Variants in DPP6 observed in about 807,000 individuals in gnomAD.
DPP6 encodes A-type potassium channel modulatory protein DPP6.
In DPP6, 69 loss-of-function variants were observed where a neutral mutation model predicts 122.6. The observed-to-expected ratio is 0.56, with a 90% confidence interval of 0.46 to 0.69. The LOEUF is 0.69. DPP6 is among the 30% of genes least tolerant of loss of function. The pLI is 0.00. For missense variants in DPP6, 928 were observed against 1,116.9 expected, an observed-to-expected ratio of 0.83 and a Z score of 2.41; for synonymous variants, 418 against 433.1, an observed-to-expected ratio of 0.97 and a Z score of 0.43.
chr7:154,676,124 G>A, intron 7 of DPP6, among the ~76,000 whole-genome samples: 1 of 145,922 alleles, frequency 6.9e-6, no homozygotes, highest in African/African-American at 2.5e-5. Flanking sequence ...CTTGCAGCAT[G>A]CTGTCTGGAG....
intron 1 of DPP6, among the ~76,000 whole-genome samples, chr7:154,070,951 T>C (rs1205215082): frequency 6.6e-6 from 1 of 152,214 alleles, no homozygotes. Flanking sequence ...TCAGTGTTAT[T>C]GAGCAGGAAC....
At chr7:154,531,908 G>A (rs1827866930) in intron 3 of DPP6, among the ~76,000 whole-genome samples, 1 of 151,808 alleles carries the variant, frequency 6.6e-6, no homozygotes. Context: ...CTAATGCAAA[G>A]AAATGCAACT....
intron 1 of DPP6, among the ~76,000 whole-genome samples, chr7:154,017,297 G>A (rs185318108): frequency 3.3e-5 from 5 of 152,196 alleles, no homozygotes; most frequent in African/African-American, 1.2e-4. Context: ...TGAACTCCTG[G>A]GTTCTAAGTG....
At position 154,587,836 on chromosome 7, in the gene DPP6, C is replaced by T. The variant is rs370591334; in HGVS notation, c.627+20920C>T. On this transcript the variant is annotated intron_variant, in intron 5 of 25. Coordinates refer to ENST00000377770, the MANE Select transcript of DPP6 (RefSeq NM_130797.4). ...AGTCAATGGATACAGCACAGCATTG[C>T]CAGCTTGCCATGTACAAGGGGGACC... 60 of 1,612,836 alleles carry T rather than the reference C, an allele frequency of 3.7e-5. No homozygotes were observed. In the African/African-American group the frequency reaches 7.6e-4, roughly 20 times the overall value.
chr7:154,357,115 C>G (rs1811329724), intron 1 of DPP6, among the ~76,000 whole-genome samples: 1 of 151,908 alleles, frequency 6.6e-6, no homozygotes, highest in South Asian at 2.1e-4. Context: ...TTAAATGAAC[C>G]ATGAACAATG....
At position 154,876,076 on chromosome 7, in the gene DPP6, A is replaced by G. The variant is rs1804823300; in HGVS notation, c.2054A>G (p.Glu685Gly). 1.2e-6 allele frequency: 2 copies of G among 1,604,948 alleles called. No individual in the cohort carries two copies. Among genetic ancestry groups the G allele is most frequent in the Non-Finnish European group, 1.7e-6 (2 of 1,175,654 alleles). The change falls in exon 20 of 26, where the codon GAG becomes GGG. Residue 685 changes from glutamate (E) to glycine (G), a missense_variant. Glu to Gly is a moderately conservative substitution (Grantham distance 98). Transcript: ENST00000377770. ...EVRRRLGLLE[E>G]KDQMEAVRTM... ...AGGCGGCGGCTGGGCTTGCTGGAGG[A>G]GAAGGACCAGATGGAGGCCGTGCGG... is the stretch of plus-strand genomic sequence containing the variant.
At chr7:154,085,835 C>G (rs2907728) in intron 1 of DPP6, among the ~76,000 whole-genome samples, 1 of 152,164 alleles carries the variant, frequency 6.6e-6, no homozygotes, top group African/African-American at 2.4e-5. Context: ...TCAAGCGGTT[C>G]TTCTGCCTCA....
chr7:154,559,690 T>A (rs1443501384), intron 4 of DPP6, among the ~76,000 whole-genome samples: 1 of 151,918 alleles, frequency 6.6e-6, no homozygotes, highest in Non-Finnish European at 1.5e-5. Flanking sequence ...TGGAATGAGA[T>A]CATTTAAAGT....
the DPP6 span, among the ~76,000 whole-genome samples, chr7:153,752,519 G>T: frequency 6.6e-6 from 1 of 151,624 alleles, no homozygotes; most frequent in Admixed American, 6.6e-5. Context: ...AAATTGCTGG[G>T]ATTACAGGCG....
At chr7:154,582,532 G>A (rs535698167) in intron 5 of DPP6, among the ~76,000 whole-genome samples, 1 of 152,192 alleles carries the variant, frequency 6.6e-6, no homozygotes, top group Non-Finnish European at 1.5e-5. Context: ...CTTCCCACAG[G>A]GTCCCTTCCT....
chr7:153,755,866 C>T, the DPP6 span, among the ~76,000 whole-genome samples: 1 of 152,140 alleles, frequency 6.6e-6, no homozygotes, highest in Non-Finnish European at 1.5e-5. Context: ...CTGTAGGAAG[C>T]CCTCCCTCTA....
chr7:154,413,604 A>C (rs1190834010), intron 1 of DPP6, among the ~76,000 whole-genome samples: 1 of 152,200 alleles, frequency 6.6e-6, no homozygotes, highest in Non-Finnish European at 1.5e-5. Flanking sequence ...TGAACACACA[A>C]AATGTTTGCT....
chr7:153,914,424 T>C (rs1385919463), intron 1 of DPP6, among the ~76,000 whole-genome samples: 1 of 152,206 alleles, frequency 6.6e-6, no homozygotes, highest in East Asian at 1.9e-4. Flanking sequence ...ATACCTTCCC[T>C]GGAGCTGTAT....
intron 6 of DPP6, among the ~76,000 whole-genome samples, chr7:154,645,422 G>T (rs13231187): frequency 0.12 from 18,112 of 152,020 alleles, 1,427 homozygotes; most frequent in Non-Finnish European, 0.17. Flanking sequence ...CTGCCTGTAA[G>T]ACTTGGTCTC....
At chr7:154,125,840 C>A (rs1807844539) in intron 1 of DPP6, among the ~76,000 whole-genome samples, 1 of 152,172 alleles carries the variant, frequency 6.6e-6, no homozygotes, top group African/African-American at 2.4e-5. Flanking sequence ...TAGCAGAGCC[C>A]TCGGTTGCCT....
chr7:154,539,640 GAAAA>G lies in DPP6; in HGVS notation c.458-885_458-882del, dbSNP rs367612575. Among the ~76,000 whole-genome samples, 100 of 139,572 alleles carry G rather than the reference GAAAA, an allele frequency of 7.2e-4. 1 individual carries two copies. The highest frequency in any genetic ancestry group is 2.5e-3 in the African/African-American group (97 of 38,130). 91.6% of individuals were successfully genotyped at this position (139,572 alleles called of 152,430 possible). A position where few individuals can be genotyped will look rare whatever the true frequency, so the allele number is the denominator to read the frequency against. On this transcript the variant is annotated intron_variant, in intron 3 of 25. Transcript: ENST00000377770. Reference sequence around the variant, plus strand: ...AGAACTTAAAGTATAATACAAAAAAGAAAAAAAAAAGGCATAAAAATTCTAGAAG... The same window carrying G: ...AGAACTTAAAGTATAATACAAAAAAGAAAAAAGGCATAAAAATTCTAGAAG...
chr7:153,971,972 T>C (rs139457947), intron 1 of DPP6, among the ~76,000 whole-genome samples: 4,140 of 145,844 alleles, frequency 0.028, 306 homozygotes, highest in African/African-American at 0.084. Flanking sequence ...AAATGTTTGT[T>C]TCCTGTCTAT....
the DPP6 span, among the ~76,000 whole-genome samples, chr7:153,820,634 C>T: frequency 6.6e-6 from 1 of 151,866 alleles, no homozygotes; most frequent in African/African-American, 2.4e-5. Flanking sequence ...GTAGCTAGAA[C>T]GTAGTCACAT....
intron 8 of DPP6, among the ~76,000 whole-genome samples, chr7:154,742,897 G>T (rs949217401): frequency 1.3e-5 from 2 of 152,204 alleles, no homozygotes; most frequent in African/African-American, 4.8e-5. Context: ...GACCTTAAGA[G>T]CCAGTCCCTC....
Sources: allele counts gnomAD v4.1 joint callset (sites outside exome capture counted in the v4.1 genomes callset), GRCh38; gene constraint gnomAD v4.1.1; transcripts MANE v1.5; gene names NCBI Gene and HGNC (gene_info 2026-07-23, HGNC 2026-07-21).